The following DLG2 variants were observed in gnomAD, a reference collection of about 807,000 sequenced individuals.
DLG2 encodes disks large homolog 2.
A neutral mutation model predicts 132.5 loss-of-function variants in DLG2; 45 were observed. The ratio of observed to expected loss-of-function variants is 0.34; its 90% CI spans 0.27 to 0.44. The LOEUF (loss-of-function observed/expected upper bound fraction) is 0.44. DLG2 is among the 20% of genes least tolerant of loss of function. The pLI is 1.00. For missense variants in DLG2, 1,045 were observed against 1,196.9 expected (o/e 0.87, Z 1.87); for synonymous variants, 424 against 419.6 (o/e 1.01, Z -0.13).
At chr11:84,835,203 G>C (rs1040527077) in intron 6 of DLG2, among the ~76,000 whole-genome samples, 2 of 151,650 alleles carry the variant, frequency 1.3e-5, no homozygotes, top group African/African-American at 4.8e-5. Context: ...AAATCCAAGA[G>C]GGCAGGGATA....
Position 83,502,804 on chromosome 11 carries a change from G to A in DLG2, c.2194-18576C>T, listed in dbSNP as rs1287201760. ...AAATTACCCTCACTGAGATCCATAC[G>A]TTGATTACACCAATTTAAAGTTACA... is the stretch of plus-strand genomic sequence containing the variant. On this transcript the variant is annotated intron_variant, in intron 21 of 27. Coordinates refer to ENST00000376104, the MANE Select transcript of DLG2 (RefSeq NM_001142699.3). Among the ~76,000 whole-genome samples the A allele has an allele frequency of 7.9e-5, 12 of 152,042 alleles. 1 individual carries two copies. The highest frequency in any genetic ancestry group is 6.2e-4 in the South Asian group (3 of 4,820).
At chr11:84,779,811 C>T (rs1004004948) in intron 6 of DLG2, among the ~76,000 whole-genome samples, 1 of 151,906 alleles carries the variant, frequency 6.6e-6, no homozygotes, top group South Asian at 2.1e-4. Flanking sequence ...TGTACAACCT[C>T]CCCGTATTGA....
At chr11:84,329,112 A>G (rs1168737693) in intron 7 of DLG2, among the ~76,000 whole-genome samples, 2 of 152,214 alleles carry the variant, frequency 1.3e-5, no homozygotes, top group Non-Finnish European at 2.9e-5. Context: ...GGTGAGTTAT[A>G]TAATTACATG....
intron 11 of DLG2, among the ~76,000 whole-genome samples, chr11:84,026,473 T>C (rs1350904465): frequency 6.6e-6 from 1 of 152,096 alleles, no homozygotes; most frequent in African/African-American, 2.4e-5. Context: ...TATCCAACCT[T>C]TACAGAGAAT....
intron 3 of DLG2, among the ~76,000 whole-genome samples, chr11:85,426,551 C>A (rs2090755996): frequency 6.6e-6 from 1 of 151,958 alleles, no homozygotes; most frequent in African/African-American, 2.4e-5. Context: ...CTCCAACAGA[C>A]CTGCAGCTGA....
chr11:84,782,269 T>A (rs1186646292), intron 6 of DLG2, among the ~76,000 whole-genome samples: 1 of 152,114 alleles, frequency 6.6e-6, no homozygotes, highest in Non-Finnish European at 1.5e-5. Flanking sequence ...TAAATATTTA[T>A]CCAAAATAAT....
intron 3 of DLG2, among the ~76,000 whole-genome samples, chr11:85,353,579 G>T (rs1172942167): frequency 6.6e-6 from 1 of 152,172 alleles, no homozygotes; most frequent in Non-Finnish European, 1.5e-5. Context: ...CAAAGACTTG[G>T]AACCAACCCA....
chr11:84,013,640 G>T (rs1397103207), intron 11 of DLG2, among the ~76,000 whole-genome samples: 4 of 151,878 alleles, frequency 2.6e-5, no homozygotes, highest in Non-Finnish European at 5.9e-5. Flanking sequence ...AGGCCGAGGT[G>T]GTTGGATCAT....
intron 3 of DLG2, among the ~76,000 whole-genome samples, chr11:85,387,790 T>C (rs2086467252): frequency 1.3e-5 from 2 of 151,970 alleles, no homozygotes. Context: ...TCTTTAAAAG[T>C]GGAAAATCTA....
intron 18 of DLG2, among the ~76,000 whole-genome samples, chr11:83,698,846 C>T (rs572486898): frequency 7.9e-5 from 12 of 152,214 alleles, no homozygotes; most frequent in East Asian, 1.9e-4. Flanking sequence ...TCAGGGTCTG[C>T]GGCCAAGAGT....
chr11:84,099,463 T>G (rs897186869), intron 9 of DLG2, among the ~76,000 whole-genome samples: 1 of 151,998 alleles, frequency 6.6e-6, no homozygotes, highest in Non-Finnish European at 1.5e-5. Context: ...ACTTGGGTGT[T>G]TCATTTTCTT....
chr11:84,221,518 T>C (rs2096916330), intron 8 of DLG2, among the ~76,000 whole-genome samples: 1 of 152,174 alleles, frequency 6.6e-6, no homozygotes, highest in South Asian at 2.1e-4. Context: ...ATGCTATCTA[T>C]GTAAAGTGCT....
At chr11:83,965,995 G>C (rs1275758121) in intron 12 of DLG2, among the ~76,000 whole-genome samples, 1 of 151,984 alleles carries the variant, frequency 6.6e-6, no homozygotes, top group Non-Finnish European at 1.5e-5. Flanking sequence ...CATGACTACA[G>C]TATAATGATC....
intron 22 of DLG2, among the ~76,000 whole-genome samples, chr11:83,476,393 A>G (rs988600279): frequency 4.6e-5 from 7 of 152,132 alleles, no homozygotes; most frequent in Admixed American, 2.0e-4. Context: ...GCTACTGCCA[A>G]TTGGTTCGAG....
chr11:85,099,125 T>C (rs892615878), intron 6 of DLG2, among the ~76,000 whole-genome samples: 5 of 152,206 alleles, frequency 3.3e-5, no homozygotes, highest in Non-Finnish European at 7.3e-5. Context: ...CCAAAGTTTG[T>C]CCAAACATTT....
At position 85,393,629 on chromosome 11, in the gene DLG2, ATGTGTGTGTG is replaced by A. The variant is rs35765389; in HGVS notation, c.41-108274_41-108265del. On this transcript the variant is annotated intron_variant, in intron 3 of 27. Transcript: ENST00000376104. ...GTATATATATATATATGGTATGCAT[ATGTGTGTGTG>A]TGTGTGTGTGTGTGTGTGTGTGTAT... is the stretch of plus-strand genomic sequence containing the variant. Among the ~76,000 whole-genome samples, 9 of 143,814 alleles carry A rather than the reference ATGTGTGTGTG, an allele frequency of 6.3e-5. No homozygotes were observed. The South Asian group carries it at 8.9e-4, about 14-fold the overall frequency. 94.3% of individuals were successfully genotyped at this position (143,814 alleles called of 152,430 possible). A position where few individuals can be genotyped will look rare whatever the true frequency, so the allele number is the denominator to read the frequency against.
At chr11:84,581,645 A>G (rs2099516482) in intron 6 of DLG2, among the ~76,000 whole-genome samples, 1 of 152,214 alleles carries the variant, frequency 6.6e-6, no homozygotes, top group African/African-American at 2.4e-5. Context: ...AGTTAATTTA[A>G]CACCTGTAAT....
intron 7 of DLG2, among the ~76,000 whole-genome samples, chr11:84,490,242 T>C (rs977081993): frequency 6.6e-6 from 1 of 152,140 alleles, no homozygotes; most frequent in African/African-American, 2.4e-5. Flanking sequence ...TAAGATTGTA[T>C]TACTAAAGTG....
At chr11:85,200,639 G>T (rs1436477046) in intron 4 of DLG2, among the ~76,000 whole-genome samples, 1 of 152,156 alleles carries the variant, frequency 6.6e-6, no homozygotes, top group Admixed American at 6.5e-5. Flanking sequence ...CTGTCCCACA[G>T]CAGATATGGA....
Sources: gnomAD v4.1 joint callset for allele counts (sites outside exome capture counted in the v4.1 genomes callset) on GRCh38, gnomAD v4.1.1 for gene constraint, MANE v1.5 for transcripts, NCBI Gene and HGNC (gene_info 2026-07-23, HGNC 2026-07-21) for gene names.